KCNIP4: variants seen among roughly 807,000 people sequenced by gnomAD.
KCNIP4 encodes the protein Kv channel-interacting protein 4.
A neutral mutation model predicts 34.0 loss-of-function variants in KCNIP4; 12 were observed. The observed-to-expected ratio is 0.35, with a 90% confidence interval of 0.23 to 0.57. The LOEUF (loss-of-function observed/expected upper bound fraction) is 0.57, where lower values mean the gene tolerates loss of function less well. Among genes scored for constraint, KCNIP4 ranks in the 20% least tolerant of loss-of-function variants. The pLI, the probability that KCNIP4 is intolerant of heterozygous loss-of-function variation, is 0.83. For synonymous variants in KCNIP4, 124 were observed against 102.2 expected (o/e 1.21, Z -1.29); for missense variants, 238 against 311.7 (o/e 0.76, Z 1.78).
At chr4:21,175,529 C>T (rs1049419449) in intron 1 of KCNIP4, among the ~76,000 whole-genome samples, 2 of 152,192 alleles carry the variant, frequency 1.3e-5, no homozygotes, top group Non-Finnish European at 2.9e-5. Flanking sequence ...AGACAACTTT[C>T]ACCTTTTCAC....
chr4:20,940,582 T>C (rs943714076), intron 1 of KCNIP4, among the ~76,000 whole-genome samples: 7 of 152,182 alleles, frequency 4.6e-5, no homozygotes, highest in African/African-American at 1.2e-4. Context: ...AATTATGAAA[T>C]ACATTTCTTG....
rs547577234 is a variant in KCNIP4 at position 20,841,960 on chromosome 4, A to G, written c.288+8583T>C. Among the ~76,000 whole-genome samples the G allele has an allele frequency of 2.6e-5, 4 of 152,160 alleles. No homozygotes were observed. The East Asian group carries it at 5.8e-4, about 22-fold the overall frequency. On this transcript the variant is annotated intron_variant, in intron 3 of 8. Transcript: ENST00000382152. ...TTCTTGACATTGCAGATACAATGCA[A>G]TGCCACTTCCCTTTCTCTAGCCGCC...
intron 1 of KCNIP4, among the ~76,000 whole-genome samples, chr4:21,767,638 T>G (rs536972783): frequency 6.6e-6 from 1 of 152,228 alleles, no homozygotes; most frequent in African/African-American, 2.4e-5. Context: ...AAGTCTGTAA[T>G]GAAAGAAAAC....
intron 1 of KCNIP4, among the ~76,000 whole-genome samples, chr4:21,026,364 G>C (rs760796074): frequency 6.6e-6 from 1 of 152,104 alleles, no homozygotes; most frequent in Non-Finnish European, 1.5e-5. Flanking sequence ...AGGGTCCATG[G>C]GATGTCCTGC....
In KCNIP4 at chr4:20,770,343, A is replaced by T. The variant is rs138810336; in HGVS notation, c.289-11453T>A. On this transcript the variant is annotated intron_variant, in intron 3 of 8. Transcript: ENST00000382152. ...ATTTTTTATGAGTGCTAAGAATAGT[A>T]TCCCATATGCTGAGTGTTCCCCGTC... is the stretch of plus-strand genomic sequence containing the variant. 3.7e-3 allele frequency among the ~76,000 whole-genome samples: 566 copies of T among 152,322 alleles called. 3 individuals carry two copies. The highest frequency in any genetic ancestry group is 0.017 in the Middle Eastern group (5 of 294).
intron 1 of KCNIP4, among the ~76,000 whole-genome samples, chr4:21,567,023 G>A (rs716403): frequency 0.06 from 9,059 of 152,030 alleles, 570 homozygotes; most frequent in East Asian, 0.18. Context: ...TATCAATACC[G>A]AAAACTGTTA....
At chr4:21,614,198 G>T (rs1744408234) in intron 1 of KCNIP4, among the ~76,000 whole-genome samples, 1 of 151,736 alleles carries the variant, frequency 6.6e-6, no homozygotes, top group South Asian at 2.1e-4. Context: ...GCCTTTAGCT[G>T]AGTAGAATGA....
Position 21,108,326 on chromosome 4 carries a change from T to C in KCNIP4, c.62-225617A>G. 1.4e-5 allele frequency among the ~76,000 whole-genome samples: 2 copies of C among 147,920 alleles called. 1 individual carries two copies. Among genetic ancestry groups the C allele is most frequent in the Non-Finnish European group, 3.0e-5 (2 of 67,604 alleles). On this transcript the variant is annotated intron_variant, in intron 1 of 8. Transcript: ENST00000382152. ...TTTTTATTTTTTCTCTAAACTTCCCTTCTCGCTTCATTTCATTCATTTCAT... is the reference window on the plus strand; with the variant it reads ...TTTTTATTTTTTCTCTAAACTTCCCCTCTCGCTTCATTTCATTCATTTCAT...
chr4:21,787,931 A>C (rs1357592388), intron 1 of KCNIP4, among the ~76,000 whole-genome samples: 1 of 152,026 alleles, frequency 6.6e-6, no homozygotes, highest in African/African-American at 2.4e-5. Flanking sequence ...CCATGGGAAA[A>C]TTCCTTCAGA....
chr4:21,549,461 C>T lies in KCNIP4; in HGVS notation c.61+399110G>A, dbSNP rs1188590092. ...GTGACATCTGGTTGTTTAAAAGAGC[C>T]TGACATTTCTCTTGCTCCCTCTCTC... is the stretch of plus-strand genomic sequence containing the variant. On this transcript the variant is annotated intron_variant, in intron 1 of 8. Coordinates refer to ENST00000382152, the MANE Select transcript of KCNIP4 (RefSeq NM_025221.6). Among the ~76,000 whole-genome samples the T allele has an allele frequency of 2.0e-5, 3 of 151,908 alleles. 1 individual carries two copies. Among genetic ancestry groups the T allele is most frequent in the African/African-American group, 7.2e-5 (3 of 41,434 alleles).
chr4:21,624,932 A>G (rs1482537401), intron 1 of KCNIP4, among the ~76,000 whole-genome samples: 1 of 152,070 alleles, frequency 6.6e-6, no homozygotes, highest in Non-Finnish European at 1.5e-5. Context: ...CTCCAAAGTT[A>G]CCTAATTTTG....
At chr4:21,178,408 T>C (rs1754589592) in intron 1 of KCNIP4, among the ~76,000 whole-genome samples, 1 of 152,190 alleles carries the variant, frequency 6.6e-6, no homozygotes, top group Admixed American at 6.5e-5. Context: ...CGCTTCCAGG[T>C]GTCACTTAGT....
intron 1 of KCNIP4, among the ~76,000 whole-genome samples, chr4:20,936,200 G>A (rs556670106): frequency 6.6e-6 from 1 of 152,202 alleles, no homozygotes; most frequent in South Asian, 2.1e-4. Flanking sequence ...AAGACAAAGT[G>A]GTGGTGAAAG....
intron 1 of KCNIP4, among the ~76,000 whole-genome samples, chr4:21,429,165 C>A (rs1340233754): frequency 6.6e-6 from 1 of 152,162 alleles, no homozygotes; most frequent in Non-Finnish European, 1.5e-5. Context: ...CCCTGGCAAC[C>A]AATGAACTTT....
chr4:21,906,322 G>T (rs73800627), intron 1 of KCNIP4, among the ~76,000 whole-genome samples: 13,049 of 152,144 alleles, frequency 0.086, 1,886 homozygotes, highest in African/African-American at 0.3. Flanking sequence ...TACAGCAAAA[G>T]TGTCCTTGTC....
intron 1 of KCNIP4, among the ~76,000 whole-genome samples, chr4:21,336,769 G>T (rs1227071541): frequency 6.6e-6 from 1 of 152,060 alleles, no homozygotes; most frequent in Non-Finnish European, 1.5e-5. Flanking sequence ...AATATGAAGG[G>T]ATGGACAGGA....
intron 3 of KCNIP4, among the ~76,000 whole-genome samples, chr4:20,773,254 A>G (rs1045978405): frequency 1.3e-5 from 2 of 151,558 alleles, no homozygotes; most frequent in African/African-American, 4.8e-5. Flanking sequence ...TATTTTTGAA[A>G]TTGTTGCAAT....
chr4:21,227,129 C>T (rs1758463694), intron 1 of KCNIP4, among the ~76,000 whole-genome samples: 1 of 152,178 alleles, frequency 6.6e-6, no homozygotes, highest in South Asian at 2.1e-4. Flanking sequence ...CTTGCACCAG[C>T]ATGTAGCAGA....
chr4:21,918,153 A>G (rs1728742075), intron 1 of KCNIP4, among the ~76,000 whole-genome samples: 1 of 151,656 alleles, frequency 6.6e-6, no homozygotes, highest in African/African-American at 2.4e-5. Flanking sequence ...ACATCAACAT[A>G]TTGGCTATAT....
Sources: allele counts gnomAD v4.1 joint callset (sites outside exome capture counted in the v4.1 genomes callset), GRCh38; gene constraint gnomAD v4.1.1; transcripts MANE v1.5; gene names NCBI Gene and HGNC (gene_info 2026-07-23, HGNC 2026-07-21).